PCP4: variants seen among roughly 807,000 people sequenced by gnomAD.
The protein encoded by PCP4 is Purkinje cell protein 4, also known as calmodulin regulator protein PCP4.
A neutral mutation model predicts 10.0 loss-of-function variants in PCP4; 8 were observed. That is an observed-to-expected ratio of 0.80 (90% CI 0.47 to 1.45). PCP4 has a LOEUF of 1.45. Ranked by LOEUF, PCP4 falls within the 40% of genes most tolerant of loss-of-function variation. The pLI, the probability that PCP4 is intolerant of heterozygous loss-of-function variation, is 0.00. For missense variants in PCP4, 54 were observed against 74.4 expected (o/e 0.73, Z 1.01); for synonymous variants, 21 against 23.0 (o/e 0.91, Z 0.24).
intron 1 of PCP4, among the ~76,000 whole-genome samples, chr21:39,894,664 G>A (rs1010876918): frequency 2.0e-5 from 3 of 152,030 alleles, no homozygotes; most frequent in Non-Finnish European, 2.9e-5. Context: ...CTCATATCAG[G>A]GTTTGCTCTG....
chr21:39,892,448 G>A (rs998383201), intron 1 of PCP4, among the ~76,000 whole-genome samples: 5 of 151,232 alleles, frequency 3.3e-5, no homozygotes, highest in African/African-American at 7.3e-5. Flanking sequence ...TCCACCCCAC[G>A]GTGGATAACT....
At chr21:39,885,965 C>T (rs1274862080) in intron 1 of PCP4, among the ~76,000 whole-genome samples, 1 of 152,202 alleles carries the variant, frequency 6.6e-6, no homozygotes, top group Non-Finnish European at 1.5e-5. Flanking sequence ...AGAATCTGCT[C>T]CAGGCCCCTC....
intron 1 of PCP4, among the ~76,000 whole-genome samples, chr21:39,896,164 C>G (rs2146336302): frequency 6.6e-6 from 1 of 152,302 alleles, no homozygotes; most frequent in African/African-American, 2.4e-5. Context: ...AAAAGTTATT[C>G]ATGACATTTG....
intron 1 of PCP4, 60 bp downstream of exon 1, chr21:39,867,570 G>T: frequency 6.5e-7 from 1 of 1,533,124 alleles, no homozygotes; most frequent in Non-Finnish European, 9.0e-7. Context: ...CTCGGCTGAA[G>T]GATTAGTCTC....
At chr21:39,867,559 C>T in intron 1 of PCP4, 49 bp downstream of exon 1, 1 of 1,585,108 alleles carries the variant, frequency 6.3e-7, no homozygotes, top group Non-Finnish European at 8.7e-7. Flanking sequence ...TGAGAAGGGA[C>T]CTCGGCTGAA....
rs2087507801 is a variant in PCP4 at position 39,906,130 on chromosome 21, G to T, written c.61+7603G>T. On this transcript the variant is annotated intron_variant, in intron 2 of 2. Coordinates refer to ENST00000328619, the MANE Select transcript of PCP4 (RefSeq NM_006198.3). The surrounding 1 kb of genome is among the most constrained non-coding windows in gnomAD (Gnocchi z 6.3). ...TTGGGAGAGGATCTCAGGCAAAGTTGCTGGTGAACTCAGGATTGTCCTAAG... is the reference window on the plus strand; with the variant it reads ...TTGGGAGAGGATCTCAGGCAAAGTTTCTGGTGAACTCAGGATTGTCCTAAG... Among the ~76,000 whole-genome samples, 1 of 152,222 alleles carries T rather than the reference G, an allele frequency of 6.6e-6. No individual in the cohort carries two copies. Among genetic ancestry groups the T allele is most frequent in the East Asian group, 1.9e-4 (1 of 5,184 alleles).
At chr21:39,885,780 C>T (rs141441772) in intron 1 of PCP4, among the ~76,000 whole-genome samples, 76 of 152,366 alleles carry the variant, frequency 5.0e-4, no homozygotes, top group African/African-American at 7.9e-4. Flanking sequence ...CTTTCCTGAG[C>T]GTGCTTCTAT....
chr21:39,913,545 G>A (rs370127588), intron 2 of PCP4, among the ~76,000 whole-genome samples: 10 of 152,356 alleles, frequency 6.6e-5, no homozygotes, highest in South Asian at 2.1e-4. Flanking sequence ...CTTCAGAGTC[G>A]TATACGGTAG....
At chr21:39,901,738 G>T (rs936949488) in intron 2 of PCP4, among the ~76,000 whole-genome samples, 1 of 152,182 alleles carries the variant, frequency 6.6e-6, no homozygotes, top group Admixed American at 6.5e-5. Flanking sequence ...TTATTTTACA[G>T]TTACTGGATA....
chr21:39,914,667 G>A (rs898436382), intron 2 of PCP4, among the ~76,000 whole-genome samples: 5 of 151,992 alleles, frequency 3.3e-5, no homozygotes, highest in Non-Finnish European at 7.4e-5. Context: ...GGGTTCAAGT[G>A]AGGTTCTTAT....
In PCP4 at chr21:39,906,100, G is replaced by T. The variant is rs2087507512; in HGVS notation, c.61+7573G>T. 6.6e-6 allele frequency among the ~76,000 whole-genome samples: 1 copy of T among 152,224 alleles called. No individual in the cohort carries two copies. Among genetic ancestry groups the T allele is most frequent in the Non-Finnish European group, 1.5e-5 (1 of 68,038 alleles). On this transcript the variant is annotated intron_variant, in intron 2 of 2. Transcript: ENST00000328619. This position sits in a 1 kb window ranked among gnomAD's most constrained non-coding sequence, Gnocchi z 6.3. ...CTTTGATGTTACCATGGCCTTGCAG[G>T]TGGGTTGGGAGAGGATCTCAGGCAA...
In PCP4 at chr21:39,917,423, C is replaced by T. The variant is rs116077897; in HGVS notation, c.62-11561C>T. 6.5e-3 allele frequency among the ~76,000 whole-genome samples: 997 copies of T among 152,322 alleles called. 13 individuals are homozygous for T. Among genetic ancestry groups the T allele is most frequent in the African/African-American group, 0.022 (934 of 41,574 alleles). ...CCTCACCTGTGCGGCAGACTTCCAC[C>T]CCTGAGACATCGGGGAATGATGTCC... On this transcript the variant is annotated intron_variant, in intron 2 of 2. Coordinates refer to ENST00000328619, the MANE Select transcript of PCP4 (RefSeq NM_006198.3).
At position 39,928,980 on chromosome 21, in the gene PCP4, A is replaced by G. The variant is rs200885827; in HGVS notation, c.62-4A>G. ...GCCTTCTGTTTGTGTTTGTCTTGCT[A>G]CAGATGGACAGAAGAAAGTTCAAGA... On this transcript the variant is annotated splice_polypyrimidine_tract_variant and splice_region_variant and intron_variant, in intron 2 of 2. Transcript: ENST00000328619. The G allele has an allele frequency of 2.2e-5, 35 of 1,611,890 alleles. No individual in the cohort carries two copies. The highest frequency in any genetic ancestry group is 2.7e-5 in the Non-Finnish European group (32 of 1,178,984).
intron 2 of PCP4, among the ~76,000 whole-genome samples, chr21:39,914,875 G>A (rs2087561287): frequency 6.6e-6 from 1 of 152,212 alleles, no homozygotes; most frequent in Admixed American, 6.5e-5. Context: ...CTAGAAGGTG[G>A]TGAGCACCCT....
intron 2 of PCP4, among the ~76,000 whole-genome samples, chr21:39,901,765 G>A (rs949533171): frequency 1.3e-5 from 2 of 152,162 alleles, no homozygotes; most frequent in Admixed American, 6.5e-5. Flanking sequence ...ATGTATAAAT[G>A]TAAATTATTA....
At chr21:39,867,694 A>G (rs1406334521) in intron 1 of PCP4, among the ~76,000 whole-genome samples, 184 bp downstream of exon 1, 1 of 152,202 alleles carries the variant, frequency 6.6e-6, no homozygotes, top group Non-Finnish European at 1.5e-5. Context: ...GAAATTGGTT[A>G]AGTTTGCAAC....
chr21:39,888,587 C>A (rs910575268), intron 1 of PCP4, among the ~76,000 whole-genome samples: 1 of 152,336 alleles, frequency 6.6e-6, no homozygotes, highest in South Asian at 2.1e-4. Flanking sequence ...ACACCTCCCT[C>A]AAGAGCTGAC....
chr21:39,889,334 C>A (rs763715655), intron 1 of PCP4, among the ~76,000 whole-genome samples: 2 of 152,164 alleles, frequency 1.3e-5, no homozygotes, highest in South Asian at 2.1e-4. Context: ...ATTCCCTAAC[C>A]CTTAGGGGTC....
rs771138331 is a variant in PCP4 at position 39,929,211 on chromosome 21, C to T, written c.*100C>T. 1.6e-4 allele frequency: 185 copies of T among 1,167,004 alleles called. No individual in the cohort carries two copies. Among genetic ancestry groups the T allele is most frequent in the Middle Eastern group, 4.0e-4 (2 of 4,990 alleles). 72.3% of individuals were successfully genotyped at this position (1,167,004 alleles called of 1,614,324 possible). On this transcript the variant is annotated 3_prime_UTR_variant, in exon 3 of 3. Coordinates refer to ENST00000328619, the MANE Select transcript of PCP4 (RefSeq NM_006198.3). ...ACCCTAGAGAGAAGTCATCCACACACAATCCACACACGCATAGCAAACCTC... is the reference window on the plus strand; with the variant it reads ...ACCCTAGAGAGAAGTCATCCACACATAATCCACACACGCATAGCAAACCTC...
Sources: gnomAD v4.1 joint callset for allele counts (sites outside exome capture counted in the v4.1 genomes callset) on GRCh38, gnomAD v4.1.1 for gene constraint, Gnocchi (gnomAD v3.1) non-coding constraint, MANE v1.5 for transcripts, NCBI Gene and HGNC (gene_info 2026-07-23, HGNC 2026-07-21) for gene names.